The following DPP10 variants were observed in gnomAD, a reference collection of about 807,000 sequenced individuals.
DPP10 encodes the protein dipeptidyl peptidase like 10.
DPP10 carries 33 observed loss-of-function variants against 120.9 expected under a neutral mutation model. The ratio of observed to expected loss-of-function variants is 0.27; its 90% CI spans 0.21 to 0.37. The LOEUF is 0.37. Ranked by LOEUF, DPP10 falls within the 10% of genes least tolerant of loss-of-function variation. The pLI, the probability that DPP10 is intolerant of heterozygous loss-of-function variation, is 1.00. For missense variants in DPP10, 816 were observed against 942.8 expected (o/e 0.87, Z 1.76); for synonymous variants, 337 against 326.1 (o/e 1.03, Z -0.36).
chr2:115,161,488 C>CG (rs1441557724), intron 1 of DPP10: 2 of 151,518 alleles, frequency 1.3e-5, no homozygotes, highest in African/African-American at 2.4e-5. Flanking sequence ...TCCCCCCCCC[C>CG]GGCTGCGGTT....
At chr2:114,615,780 G>T (rs1196673818) in intron 1 of DPP10, among the ~76,000 whole-genome samples, 1 of 152,120 alleles carries the variant, frequency 6.6e-6, no homozygotes, top group Admixed American at 6.6e-5. Context: ...AGTTTGGATA[G>T]AAATTATTTG....
intron 4 of DPP10, among the ~76,000 whole-genome samples, chr2:115,521,440 T>C (rs2077800069): frequency 6.6e-6 from 1 of 152,186 alleles, no homozygotes; most frequent in Admixed American, 6.6e-5. Flanking sequence ...AACAATAATG[T>C]ATATAAAATT....
At chr2:115,439,278 G>A (rs76578873) in intron 3 of DPP10, among the ~76,000 whole-genome samples, 78 of 137,762 alleles carry the variant, frequency 5.7e-4, no homozygotes, top group East Asian at 1.4e-3. Context: ...ATGGTCATGG[G>A]AGCACAGTGT....
At chr2:115,259,997 C>T (rs2059179977) in intron 1 of DPP10, among the ~76,000 whole-genome samples, 1 of 151,340 alleles carries the variant, frequency 6.6e-6, no homozygotes, top group Non-Finnish European at 1.5e-5. Context: ...TATATAATTA[C>T]ACTTTTAAAA....
intron 19 of DPP10, among the ~76,000 whole-genome samples, chr2:115,795,786 GA>G (rs1237044759): frequency 6.6e-6 from 1 of 152,054 alleles, no homozygotes; most frequent in Non-Finnish European, 1.5e-5. Context: ...CAAACAACTT[GA>G]AATATTGTTT....
chr2:115,609,836 A>G (rs950871283), intron 5 of DPP10, among the ~76,000 whole-genome samples: 3 of 152,200 alleles, frequency 2.0e-5, no homozygotes, highest in Non-Finnish European at 4.4e-5. Context: ...CTGAAAACTG[A>G]TTAATTTTAA....
chr2:114,830,074 G>A (rs1389683265), intron 1 of DPP10, among the ~76,000 whole-genome samples: 1 of 151,880 alleles, frequency 6.6e-6, no homozygotes, highest in Non-Finnish European at 1.5e-5. Context: ...CCTCCCTCAC[G>A]GGCTCCTCAC....
chr2:115,172,308 C>T (rs1036935951), intron 1 of DPP10, among the ~76,000 whole-genome samples: 9 of 151,338 alleles, frequency 5.9e-5, no homozygotes, highest in Non-Finnish European at 1.0e-4. Flanking sequence ...GGCTTGAACC[C>T]GAGAGGCGGA....
At chr2:114,578,173 T>C (rs1485124547) in intron 1 of DPP10, among the ~76,000 whole-genome samples, 1 of 152,210 alleles carries the variant, frequency 6.6e-6, no homozygotes, top group East Asian at 1.9e-4. Context: ...AGAACTATGA[T>C]AACCAGTATC....
At chr2:115,056,894 A>T (rs979678975) in intron 1 of DPP10, among the ~76,000 whole-genome samples, 7 of 152,258 alleles carry the variant, frequency 4.6e-5, no homozygotes, top group African/African-American at 1.7e-4. Context: ...AAAACAGCTT[A>T]TTAAAAATAG....
chr2:115,467,914 T>G (rs1005695496), intron 3 of DPP10: 1 of 216,880 alleles, frequency 4.6e-6, no homozygotes, highest in African/African-American at 2.3e-5. Flanking sequence ...GCTAAATATA[T>G]GTTAAAGGAA....
chr2:114,532,901 G>A (rs986417851), intron 1 of DPP10, among the ~76,000 whole-genome samples: 7 of 152,126 alleles, frequency 4.6e-5, no homozygotes, highest in Admixed American at 3.9e-4. Context: ...ATGATCAGGG[G>A]TATTCTCTGC....
chr2:115,424,290 C>T (rs1010541153), intron 3 of DPP10, among the ~76,000 whole-genome samples: 12 of 151,950 alleles, frequency 7.9e-5, no homozygotes, highest in Middle Eastern at 3.4e-3. Context: ...TGCATTAAGC[C>T]AGAACTTACT....
intron 3 of DPP10, among the ~76,000 whole-genome samples, chr2:115,449,875 T>C (rs1444304747): frequency 1.3e-5 from 2 of 152,072 alleles, no homozygotes; most frequent in Non-Finnish European, 2.9e-5. Flanking sequence ...ATATGTATAG[T>C]AAAAATTGTG....
At chr2:114,950,479 T>C (rs898045059) in intron 1 of DPP10, among the ~76,000 whole-genome samples, 5 of 151,448 alleles carry the variant, frequency 3.3e-5, no homozygotes, top group Admixed American at 1.3e-4. Flanking sequence ...ATTTTTTTTT[T>C]GTATTTTTAG....
chr2:114,743,432 A>C (rs1417665165), intron 1 of DPP10, among the ~76,000 whole-genome samples: 1 of 152,098 alleles, frequency 6.6e-6, no homozygotes, highest in African/African-American at 2.4e-5. Flanking sequence ...AAAAAAAAAA[A>C]AGTAGCTCGT....
At chr2:114,920,371 G>A (rs984478499) in intron 1 of DPP10, among the ~76,000 whole-genome samples, 14 of 152,100 alleles carry the variant, frequency 9.2e-5, no homozygotes, top group African/African-American at 3.4e-4. Context: ...AAAGCACTCC[G>A]AGGCTGGCAT....
chr2:115,767,541 G>A (rs1254050605), intron 12 of DPP10, among the ~76,000 whole-genome samples: 13 of 151,154 alleles, frequency 8.6e-5, no homozygotes, highest in Non-Finnish European at 1.6e-4. Flanking sequence ...AATATATATA[G>A]TGTGTGTATA....
At chr2:115,697,840 C>T (rs559592949) in intron 7 of DPP10, among the ~76,000 whole-genome samples, 2 of 152,144 alleles carry the variant, frequency 1.3e-5, no homozygotes, top group South Asian at 4.1e-4. Flanking sequence ...AAAAAATTAG[C>T]CGGGCGTGGT....
Sources: gnomAD v4.1 joint callset for allele counts (sites outside exome capture counted in the v4.1 genomes callset) on GRCh38, gnomAD v4.1.1 for gene constraint, MANE v1.5 for transcripts, NCBI Gene and HGNC (gene_info 2026-07-23, HGNC 2026-07-21) for gene names.